The following ZC3H7A variants were observed in gnomAD, a reference collection of about 807,000 sequenced individuals.
ZC3H7A encodes the protein zinc finger CCCH-type containing 7A.
ZC3H7A carries 44 observed loss-of-function variants against 125.5 expected under a neutral mutation model. That is an observed-to-expected ratio of 0.35 (90% CI 0.28 to 0.45). The LOEUF (loss-of-function observed/expected upper bound fraction) is 0.45. Among genes scored for constraint, ZC3H7A ranks in the 20% least tolerant of loss-of-function variants. The pLI is 1.00. For missense variants in ZC3H7A, 977 were observed against 1,170.7 expected, an observed-to-expected ratio of 0.83 and a Z score of 2.41; for synonymous variants, 399 against 391.2, an observed-to-expected ratio of 1.02 and a Z score of -0.23.
chr16:11,775,485 G>A (rs1435821310), intron 7 of ZC3H7A: 1 of 154,616 alleles, frequency 6.5e-6, no homozygotes, highest in South Asian at 2.0e-4. Flanking sequence ...ACGCAAACCT[G>A]TATACATGTG....
intron 19 of ZC3H7A, among the ~76,000 whole-genome samples, chr16:11,760,138 A>AAAAAAAAAAAAAAAG (rs1567374763): frequency 2.8e-4 from 41 of 145,594 alleles, no homozygotes; most frequent in Non-Finnish European, 5.3e-4. Context: ...AAAAAAAAAA[A>AAAAAAAAAAAAAAAG]AAAAAAAGAA....
intron 18 of ZC3H7A, 146 bp downstream of exon 18, chr16:11,761,764 C>G: frequency 1.7e-6 from 2 of 1,161,826 alleles, no homozygotes; most frequent in African/African-American, 3.1e-5. Flanking sequence ...TCCTAAAAAT[C>G]TCTTCCCTTG....
chr16:11,795,220 G>T (rs1014808757), intron 1 of ZC3H7A, among the ~76,000 whole-genome samples: 2 of 152,178 alleles, frequency 1.3e-5, no homozygotes, highest in African/African-American at 2.4e-5. Flanking sequence ...CAGTTCAACA[G>T]TTTGGCTCAG....
At chr16:11,763,691 T>A (rs2052793847) in intron 15 of ZC3H7A, 32 bp from the exon 16 acceptor site, 1 of 1,269,638 alleles carries the variant, frequency 7.9e-7, no homozygotes, top group South Asian at 1.7e-5. Context: ...TTTAATATTG[T>A]TCTGCCATAG....
chr16:11,786,591 G>A (rs913081635), intron 1 of ZC3H7A, among the ~76,000 whole-genome samples: 1 of 152,162 alleles, frequency 6.6e-6, no homozygotes, highest in Non-Finnish European at 1.5e-5. Flanking sequence ...TGATTGAAAG[G>A]AAACGGAAAA....
At chr16:11,764,438 A>G (rs964790071) in intron 15 of ZC3H7A, among the ~76,000 whole-genome samples, 9 of 152,274 alleles carry the variant, frequency 5.9e-5, no homozygotes, top group African/African-American at 1.9e-4. Flanking sequence ...AATCCTAGCT[A>G]CTGGAGAGGC....
chr16:11,782,048 T>TA (rs1189684274), intron 2 of ZC3H7A, among the ~76,000 whole-genome samples: 1 of 152,174 alleles, frequency 6.6e-6, no homozygotes, highest in Non-Finnish European at 1.5e-5. Context: ...TTTCTCAGTC[T>TA]AACGTTTTGG....
intron 20 of ZC3H7A, 46 bp from the exon 21 acceptor site, chr16:11,756,416 T>G: frequency 6.3e-7 from 1 of 1,598,016 alleles, no homozygotes; most frequent in Non-Finnish European, 8.5e-7. Context: ...TAAACTCCAT[T>G]TAAATACATG....
At chr16:11,767,696 C>T in intron 12 of ZC3H7A, 118 bp from the exon 13 acceptor site, 1 of 1,028,256 alleles carries the variant, frequency 9.7e-7, no homozygotes, top group South Asian at 2.0e-5. Flanking sequence ...CCACAGAAAT[C>T]CCACTTCCAC....
intron 1 of ZC3H7A, among the ~76,000 whole-genome samples, chr16:11,789,617 T>C (rs532804789): frequency 1.3e-5 from 2 of 152,304 alleles, no homozygotes; most frequent in East Asian, 3.9e-4. Context: ...ACTGTCTTTA[T>C]GTAGTATCTA....
chr16:11,791,733 G>A (rs774445286), intron 1 of ZC3H7A, among the ~76,000 whole-genome samples: 8 of 152,180 alleles, frequency 5.3e-5, no homozygotes, highest in Admixed American at 6.5e-5. Flanking sequence ...AGTGGGGCTT[G>A]GCCCCCAACC....
intron 1 of ZC3H7A, 177 bp from the exon 2 acceptor site, chr16:11,782,565 T>A: frequency 2.1e-6 from 1 of 477,340 alleles, no homozygotes; most frequent in Non-Finnish European, 3.8e-6. Context: ...GGCTCCCCTG[T>A]GGTCCGGCAC....
At chr16:11,771,034 G>A in intron 9 of ZC3H7A, 47 bp from the exon 10 acceptor site, 1 of 1,544,838 alleles carries the variant, frequency 6.5e-7, no homozygotes. Flanking sequence ...AGCTGTCATG[G>A]GTTTGGCTGA....
rs1398549835 is a variant in ZC3H7A at position 11,761,444 on chromosome 16, G to T, written c.2281C>A (p.Pro761Thr). ...IERKKWMNIR[P>T]LPTKKQMPLQ... ...GGCATTTGTTTCTTTGTGGGGAGAGGACGGATGTTCATCCACTTCTTACGT... is the reference window on the plus strand; with the variant it reads ...GGCATTTGTTTCTTTGTGGGGAGAGTACGGATGTTCATCCACTTCTTACGT... Residue 761 changes from proline (P) to threonine (T), a missense_variant, in exon 19 of 23, where the codon CCT becomes ACT. Physicochemically the swap from Pro to Thr is conservative, Grantham distance 38 (BLOSUM62 -1). Around this residue, in one of 3 missense-constraint regions of ZC3H7A, gnomAD observed 436 missense variants for 603.2 expected, o/e 0.72. Coordinates refer to ENST00000355758, the MANE Select transcript of ZC3H7A (RefSeq NM_014153.4). The T allele has an allele frequency of 3.1e-6, 5 of 1,614,056 alleles. No homozygotes were observed. In the African/African-American group the frequency reaches 6.7e-5, roughly 22 times the overall value.
rs943160713 is a variant in ZC3H7A at position 11,775,072 on chromosome 16, A to T, written c.586-59T>A. 4 of 1,590,204 alleles carry T rather than the reference A, an allele frequency of 2.5e-6. No individual in the cohort carries two copies. In the African/African-American group the frequency reaches 5.4e-5, roughly 21 times the overall value. On this transcript the variant is annotated intron_variant, in intron 7 of 22. Transcript: ENST00000355758. ...TTTCAGGACTCTAAGCCATAAAACA[A>T]TCAGTAAAACTCACCCTAGGCCGGG... is the stretch of plus-strand genomic sequence containing the variant.
chr16:11,772,403 C>T (rs919616301), intron 9 of ZC3H7A, among the ~76,000 whole-genome samples: 2 of 151,642 alleles, frequency 1.3e-5, no homozygotes, highest in Non-Finnish European at 2.9e-5. Context: ...AGAGCTTCCA[C>T]GCACCTTACG....
At chr16:11,776,667 T>C in intron 5 of ZC3H7A, 84 bp downstream of exon 5, 3 of 1,524,204 alleles carry the variant, frequency 2.0e-6, no homozygotes, top group Admixed American at 2.2e-5. Flanking sequence ...GGTTGATGGA[T>C]GACTGGAAAA....
intron 1 of ZC3H7A, among the ~76,000 whole-genome samples, chr16:11,785,781 G>A (rs955679245): frequency 3.3e-5 from 5 of 152,034 alleles, no homozygotes; most frequent in African/African-American, 9.7e-5. Flanking sequence ...CACCACGCCC[G>A]GCTACTTTTT....
intron 13 of ZC3H7A, among the ~76,000 whole-genome samples, chr16:11,766,294 G>A (rs2141179259): frequency 6.6e-6 from 1 of 152,316 alleles, no homozygotes; most frequent in East Asian, 1.9e-4. Flanking sequence ...GCCAAGCGTG[G>A]TGGCTCACAC....
Sources: gnomAD v4.1 joint callset for allele counts (sites outside exome capture counted in the v4.1 genomes callset) on GRCh38, gnomAD v4.1.1 for gene constraint, gnomAD v4.1.1 regional missense constraint, MANE v1.5 for transcripts, NCBI Gene and HGNC (gene_info 2026-07-23, HGNC 2026-07-21) for gene names.